The following DPP10 variants were observed in gnomAD, a reference collection of about 807,000 sequenced individuals.
DPP10 encodes dipeptidyl peptidase like 10, also known as inactive dipeptidyl peptidase 10.
A neutral mutation model predicts 120.9 loss-of-function variants in DPP10; 33 were observed. The observed-to-expected ratio is 0.27, with a 90% confidence interval of 0.21 to 0.37. The LOEUF is 0.37. Among genes scored for constraint, DPP10 ranks in the 10% least tolerant of loss-of-function variants. The pLI is 1.00. For missense variants in DPP10, 816 were observed against 942.8 expected (o/e 0.87, Z 1.76); for synonymous variants, 337 against 326.1 (o/e 1.03, Z -0.36).
At chr2:115,117,179 A>G (rs2049556384) in intron 1 of DPP10, among the ~76,000 whole-genome samples, 1 of 152,170 alleles carries the variant, frequency 6.6e-6, no homozygotes, top group Non-Finnish European at 1.5e-5. Flanking sequence ...TGCTTGCTTA[A>G]TGTTTGACCA....
intron 1 of DPP10, among the ~76,000 whole-genome samples, chr2:115,154,534 G>T (rs556921591): frequency 2.2e-4 from 34 of 152,222 alleles, no homozygotes; most frequent in African/African-American, 6.7e-4. Flanking sequence ...GTAGAGAAAA[G>T]TAAAATATTC....
rs149241876 is a variant in DPP10, at chr2:115,635,873, T to G, written c.442-53814T>G. ...ATATTATAATTTATTAATGAAAGAA[T>G]TATCAATACATTCTAAAATCATTGG... is the stretch of plus-strand genomic sequence containing the variant. On this transcript the variant is annotated intron_variant, in intron 5 of 25. Transcript: ENST00000410059. 2.6e-5 allele frequency among the ~76,000 whole-genome samples: 4 copies of G among 152,302 alleles called. No individual in the cohort carries two copies. The East Asian group carries it at 7.7e-4, about 29-fold the overall frequency.
chr2:114,642,346 G>A (rs1262162823), intron 1 of DPP10, among the ~76,000 whole-genome samples: 1 of 151,916 alleles, frequency 6.6e-6, no homozygotes, highest in Non-Finnish European at 1.5e-5. Context: ...AAGTTCCTCA[G>A]ATAAACATTT....
chr2:114,548,525 G>T (rs1024746910), intron 1 of DPP10, among the ~76,000 whole-genome samples: 1 of 152,168 alleles, frequency 6.6e-6, no homozygotes, highest in Admixed American at 6.5e-5. Context: ...GGATTGGAGA[G>T]ATATCTAGAA....
intron 1 of DPP10, among the ~76,000 whole-genome samples, chr2:114,969,925 C>G (rs1384576355): frequency 6.6e-6 from 1 of 152,098 alleles, no homozygotes; most frequent in African/African-American, 2.4e-5. Flanking sequence ...TTAAACCACT[C>G]GGATTTTAGG....
chr2:115,403,356 T>A (rs2068246286), intron 3 of DPP10, among the ~76,000 whole-genome samples: 1 of 148,484 alleles, frequency 6.7e-6, no homozygotes, highest in Non-Finnish European at 1.5e-5. Context: ...TCACTGTCAC[T>A]ACTTCTCTCT....
chr2:115,323,596 T>C (rs1559420942), intron 2 of DPP10, among the ~76,000 whole-genome samples: 3 of 152,220 alleles, frequency 2.0e-5, no homozygotes, highest in Admixed American at 2.0e-4. Context: ...TCAGTATCTA[T>C]GGCAGCCTTA....
In DPP10 at chr2:115,414,390, A is replaced by G. The variant is rs2069202298; in HGVS notation, c.271+70478A>G. ...TTCCGCCATGCTCTGAGGGAGGCAC[A>G]TTTTCCATCATCTTTTATCTCAACA... On this transcript the variant is annotated intron_variant, in intron 3 of 25. Transcript: ENST00000410059. Among the ~76,000 whole-genome samples the G allele has an allele frequency of 1.3e-5, 2 of 152,236 alleles. 1 individual carries two copies. The highest frequency in any genetic ancestry group is 4.2e-4 in the South Asian group (2 of 4,816).
At chr2:114,909,406 C>A in intron 1 of DPP10, among the ~76,000 whole-genome samples, 1 of 151,936 alleles carries the variant, frequency 6.6e-6, no homozygotes, top group East Asian at 1.9e-4. Flanking sequence ...CAGTACAGAG[C>A]TAACTTTGGC....
chr2:115,434,419 T>C (rs976084429), intron 3 of DPP10, among the ~76,000 whole-genome samples: 10 of 152,006 alleles, frequency 6.6e-5, no homozygotes, highest in Admixed American at 5.3e-4. Context: ...ATTGTTTCCA[T>C]ATCCTTGAGA....
intron 21 of DPP10, among the ~76,000 whole-genome samples, chr2:115,820,524 C>T (rs1687705147): frequency 6.6e-6 from 1 of 151,360 alleles, no homozygotes; most frequent in South Asian, 2.1e-4. Context: ...GATTTAGGTG[C>T]ACCCATCAGC....
chr2:115,408,093 C>A (rs562140395), intron 3 of DPP10, among the ~76,000 whole-genome samples: 1 of 151,966 alleles, frequency 6.6e-6, no homozygotes, highest in Non-Finnish European at 1.5e-5. Flanking sequence ...TCGGTGACCA[C>A]GACAGGGTGC....
intron 1 of DPP10, among the ~76,000 whole-genome samples, chr2:115,256,623 T>C (rs942013035): frequency 2.0e-5 from 3 of 152,236 alleles, no homozygotes; most frequent in Non-Finnish European, 4.4e-5. Flanking sequence ...CCTGGAAGAC[T>C]GCTGAAATGC....
intron 1 of DPP10, among the ~76,000 whole-genome samples, chr2:114,717,278 C>A (rs1443493287): frequency 6.6e-6 from 1 of 152,134 alleles, no homozygotes; most frequent in Non-Finnish European, 1.5e-5. Flanking sequence ...AGTAGGTCTG[C>A]GAATTCTCAG....
chr2:114,869,672 T>G (rs1690530188), intron 1 of DPP10, among the ~76,000 whole-genome samples: 2 of 152,156 alleles, frequency 1.3e-5, no homozygotes, highest in African/African-American at 4.8e-5. Context: ...CCCCATCTAG[T>G]TCCTCCCTAT....
intron 1 of DPP10, among the ~76,000 whole-genome samples, chr2:114,863,557 A>G (rs79338124): frequency 1.9e-3 from 295 of 152,232 alleles, no homozygotes; most frequent in Non-Finnish European, 3.1e-3. Context: ...CCTGACCAAC[A>G]ATGATTGGTC....
intron 1 of DPP10, among the ~76,000 whole-genome samples, chr2:115,196,725 A>G (rs2055301493): frequency 6.6e-6 from 1 of 152,076 alleles, no homozygotes; most frequent in African/African-American, 2.4e-5. Context: ...TCTTTTGGAG[A>G]TTGTTAAGGC....
intron 5 of DPP10, among the ~76,000 whole-genome samples, chr2:115,544,207 A>G (rs2079355913): frequency 6.6e-6 from 1 of 152,054 alleles, no homozygotes; most frequent in East Asian, 1.9e-4. Flanking sequence ...TGATATTTGT[A>G]GAATATTCAA....
intron 9 of DPP10, among the ~76,000 whole-genome samples, chr2:115,742,155 G>T (rs1460964672): frequency 6.6e-6 from 1 of 152,034 alleles, no homozygotes; most frequent in Admixed American, 6.6e-5. Context: ...TGAGCAAATA[G>T]ATTCTGAAAG....
Sources: gnomAD v4.1 joint callset for allele counts (sites outside exome capture counted in the v4.1 genomes callset) on GRCh38, gnomAD v4.1.1 for gene constraint, MANE v1.5 for transcripts, NCBI Gene and HGNC (gene_info 2026-07-23, HGNC 2026-07-21) for gene names.